Variants in MDGA2 observed in about 807,000 individuals in gnomAD.
MDGA2 encodes MAM domain-containing glycosylphosphatidylinositol anchor protein 2.
Under a neutral mutation model 117.8 loss-of-function variants are expected in MDGA2, and 40 were observed. That is an observed-to-expected ratio of 0.34 (90% CI 0.26 to 0.44). MDGA2 has a LOEUF of 0.44. MDGA2 is among the 20% of genes least tolerant of loss of function. MDGA2 has a pLI of 1.00. For missense variants in MDGA2, 1,123 were observed against 1,250.6 expected, an observed-to-expected ratio of 0.90 and a Z score of 1.54; for synonymous variants, 452 against 439.0, an observed-to-expected ratio of 1.03 and a Z score of -0.37.
intron 1 of MDGA2, among the ~76,000 whole-genome samples, chr14:47,604,487 A>ACCCCCCCCC (rs60602833): frequency 4.3e-5 from 4 of 92,054 alleles, no homozygotes; most frequent in Admixed American, 1.2e-4. Context: ...CAGCTTCCCC[A>ACCCCCCCCC]CCCCCCCCCA....
chr14:47,673,777 T>C (rs1452594262), intron 1 of MDGA2, among the ~76,000 whole-genome samples: 2 of 151,906 alleles, frequency 1.3e-5, no homozygotes, highest in African/African-American at 4.8e-5. Context: ...CCTTCTCTAG[T>C]TCCTAAACCT....
At chr14:47,174,094 G>C (rs956974013) in intron 3 of MDGA2, among the ~76,000 whole-genome samples, 179 of 152,164 alleles carry the variant, frequency 1.2e-3, no homozygotes, top group African/African-American at 3.7e-3. Flanking sequence ...ACAAGAAGAG[G>C]TAACTATCCT....
intron 7 of MDGA2, among the ~76,000 whole-genome samples, chr14:47,052,591 C>T (rs1048028736): frequency 1.3e-5 from 2 of 151,798 alleles, no homozygotes; most frequent in African/African-American, 4.8e-5. Flanking sequence ...ATAGAATACT[C>T]TCCATTTTTA....
At position 47,548,908 on chromosome 14, in the gene MDGA2, A is replaced by T. The variant is rs558357989; in HGVS notation, c.280+125609T>A. On this transcript the variant is annotated intron_variant, in intron 1 of 16. Coordinates refer to ENST00000399232, the MANE Select transcript of MDGA2 (RefSeq NM_001113498.3). ...AATGGTATCACTACTTCAGACAGCAACAATGTTCACAACTGCAGCTGAGGT... is the reference window on the plus strand; with the variant it reads ...AATGGTATCACTACTTCAGACAGCATCAATGTTCACAACTGCAGCTGAGGT... Among the ~76,000 whole-genome samples the T allele has an allele frequency of 3.3e-5, 5 of 152,268 alleles. No homozygotes were observed. In the East Asian group the frequency reaches 9.7e-4, roughly 29 times the overall value.
chr14:46,955,870 T>G (rs1483997059), intron 9 of MDGA2, among the ~76,000 whole-genome samples: 2 of 152,086 alleles, frequency 1.3e-5, no homozygotes, highest in Non-Finnish European at 2.9e-5. Context: ...TCTTGAAAGA[T>G]TTGCTTTGTG....
At chr14:47,095,861 G>A (rs1438496512) in intron 6 of MDGA2, among the ~76,000 whole-genome samples, 2 of 151,856 alleles carry the variant, frequency 1.3e-5, no homozygotes, top group Non-Finnish European at 2.9e-5. Context: ...ATTATGTTTT[G>A]CTTCCATCAT....
In MDGA2 at chr14:46,957,290, T is replaced by C; in HGVS notation, c.2089+84A>G. 10 of 1,339,180 alleles carry C rather than the reference T, an allele frequency of 7.5e-6. No individual in the cohort carries two copies. In the South Asian group the frequency reaches 1.3e-4, roughly 17 times the overall value. The allele number at this position is 1,339,180 out of a possible 1,614,324, so 83.0% of individuals were successfully genotyped here. On this transcript the variant is annotated intron_variant, in intron 9 of 16. Transcript: ENST00000399232. ...TCTATGCTCCATTGATTTACAAATG[T>C]TTTCATTCTTATATTGACATAGGTC...
intron 1 of MDGA2, among the ~76,000 whole-genome samples, chr14:47,507,298 A>G (rs1894533317): frequency 6.6e-6 from 1 of 152,178 alleles, no homozygotes; most frequent in Non-Finnish European, 1.5e-5. Flanking sequence ...AGGATTTAGA[A>G]GACAGAATTA....
At chr14:47,432,351 A>T (rs1892815957) in intron 1 of MDGA2, among the ~76,000 whole-genome samples, 1 of 152,098 alleles carries the variant, frequency 6.6e-6, no homozygotes, top group South Asian at 2.1e-4. Context: ...AGCAGTTGAA[A>T]TGTGTCATAT....
chr14:47,597,032 C>T (rs1175916874), intron 1 of MDGA2, among the ~76,000 whole-genome samples: 1 of 152,148 alleles, frequency 6.6e-6, no homozygotes, highest in Middle Eastern at 3.2e-3. Context: ...TGTTACTACA[C>T]TGAGACCATA....
intron 8 of MDGA2, among the ~76,000 whole-genome samples, chr14:47,003,837 T>A (rs1183010795): frequency 6.6e-6 from 1 of 151,972 alleles, no homozygotes; most frequent in East Asian, 1.9e-4. Flanking sequence ...GTGCTACATT[T>A]AAGAAATTAT....
intron 8 of MDGA2, among the ~76,000 whole-genome samples, chr14:46,997,954 G>A (rs1285286239): frequency 6.6e-6 from 1 of 152,024 alleles, no homozygotes; most frequent in Non-Finnish European, 1.5e-5. Context: ...GACACTTTAA[G>A]TTTAAAGGCC....
In MDGA2 at chr14:47,673,198, C is replaced by T. The variant is rs537530652; in HGVS notation, c.280+1319G>A. Among the ~76,000 whole-genome samples, 10 of 152,262 alleles carry T rather than the reference C, an allele frequency of 6.6e-5. No individual in the cohort carries two copies. In the South Asian group the frequency reaches 1.7e-3, roughly 25 times the overall value. On this transcript the variant is annotated intron_variant, in intron 1 of 16. Transcript: ENST00000399232. Reference sequence around the variant, plus strand: ...ACAGTGGACACAGTAAAGGCTGGGTCTGTAGCATTCATCCCCAAACACCCA... The same window carrying T: ...ACAGTGGACACAGTAAAGGCTGGGTTTGTAGCATTCATCCCCAAACACCCA...
rs139176044 is a variant in MDGA2 at position 47,292,395 on chromosome 14, A to G, written c.420+9016T>C. 1.8e-3 allele frequency among the ~76,000 whole-genome samples: 270 copies of G among 152,246 alleles called. 1 individual carries two copies. The highest frequency in any genetic ancestry group is 6.3e-3 in the African/African-American group (261 of 41,560). On this transcript the variant is annotated intron_variant, in intron 2 of 16. Transcript: ENST00000399232. ...CTTGTTGCTAAGTATGTTGGTCCCA[A>G]TTATGTACTTGGGAGTCTGGGGAAA...
intron 1 of MDGA2, among the ~76,000 whole-genome samples, chr14:47,561,223 T>G (rs569634113): frequency 6.7e-6 from 1 of 148,656 alleles, no homozygotes; most frequent in African/African-American, 2.4e-5. Flanking sequence ...GGCTCTTTTT[T>G]GTTTCCATAT....
chr14:47,371,904 T>A (rs546392028), intron 1 of MDGA2, among the ~76,000 whole-genome samples: 1 of 151,918 alleles, frequency 6.6e-6, no homozygotes, highest in African/African-American at 2.4e-5. Flanking sequence ...TAACCTTTTT[T>A]GAAGAAAACA....
intron 1 of MDGA2, among the ~76,000 whole-genome samples, chr14:47,429,277 G>T (rs1892751652): frequency 6.7e-6 from 1 of 149,442 alleles, no homozygotes; most frequent in Admixed American, 6.7e-5. Flanking sequence ...CAAATATGAA[G>T]ATATATATAT....
chr14:47,426,257 C>G (rs971400579), intron 1 of MDGA2, among the ~76,000 whole-genome samples: 1 of 152,026 alleles, frequency 6.6e-6, no homozygotes, highest in South Asian at 2.1e-4. Flanking sequence ...GAGGATCTAG[C>G]CTATGGCAGT....
intron 6 of MDGA2, among the ~76,000 whole-genome samples, chr14:47,071,884 A>C (rs1472093803): frequency 2.6e-5 from 4 of 152,170 alleles, no homozygotes; most frequent in Admixed American, 2.6e-4. Flanking sequence ...GATCATAACA[A>C]TAAAATTCAC....
Sources: gnomAD v4.1 joint callset for allele counts (sites outside exome capture counted in the v4.1 genomes callset) on GRCh38, gnomAD v4.1.1 for gene constraint, MANE v1.5 for transcripts, NCBI Gene and HGNC (gene_info 2026-07-23, HGNC 2026-07-21) for gene names.